Variants in GGNBP2 observed in about 807,000 individuals in gnomAD.
The protein encoded by GGNBP2 is gametogenetin-binding protein 2.
Under a neutral mutation model 85.9 loss-of-function variants are expected in GGNBP2, and 10 were observed. The ratio of observed to expected loss-of-function variants is 0.12; its 90% CI spans 0.07 to 0.20. GGNBP2 has a LOEUF of 0.20. Among genes scored for constraint, GGNBP2 ranks in the 10% least tolerant of loss-of-function variants. The pLI is 1.00. For missense variants in GGNBP2, 595 were observed against 857.8 expected, an observed-to-expected ratio of 0.69 and a Z score of 3.83; for synonymous variants, 287 against 285.7, an observed-to-expected ratio of 1.00 and a Z score of -0.05.
intron 6 of GGNBP2, chr17:36,574,407 CTT>C (rs76600911): frequency 7.5e-4 from 115 of 152,666 alleles, no homozygotes; most frequent in South Asian, 2.2e-3. Context: ...CGACTGTAGT[CTT>C]TTTTTTTTTT....
intron 5 of GGNBP2, among the ~76,000 whole-genome samples, chr17:36,563,806 C>T (rs1164636242): frequency 6.7e-6 from 1 of 149,828 alleles, no homozygotes. Flanking sequence ...TGCAGTGGCG[C>T]GATCTCGGCT....
rs2074734240 is a variant in GGNBP2 at position 36,589,239 on chromosome 17, T to A, written c.1922T>A (p.Ile641Asn). 3.7e-6 allele frequency: 6 copies of A among 1,613,122 alleles called. No individual in the cohort carries two copies. In the South Asian group the frequency reaches 5.5e-5, roughly 15 times the overall value. ...TCTGAATGTACTTCAGATGAGGAAA[T>A]CTTTATCTCACAAGATGAAATACAG... ...DESECTSDEE[I>N]FISQDEIQSF... Residue 641 changes from isoleucine (I) to asparagine (N), a missense_variant, in exon 14 of 14, where the codon ATC becomes AAC. By Grantham distance (149) the Ile-to-Asn change is moderately radical. Around this residue, in one of 9 missense-constraint regions of GGNBP2, gnomAD observed 120 missense variants for 126.3 expected, o/e 0.95. Coordinates refer to ENST00000613102, the MANE Select transcript of GGNBP2 (RefSeq NM_024835.5).
intron 2 of GGNBP2, among the ~76,000 whole-genome samples, chr17:36,550,046 T>C (rs1362131555): frequency 6.6e-6 from 1 of 152,136 alleles, no homozygotes; most frequent in African/African-American, 2.4e-5. Flanking sequence ...CAGGTGATTC[T>C]TGGGCCTCAA....
intron 9 of GGNBP2, 62 bp downstream of exon 9, chr17:36,581,600 C>A: frequency 7.7e-7 from 1 of 1,301,704 alleles, no homozygotes; most frequent in Non-Finnish European, 1.1e-6. Flanking sequence ...GAAGTACAGG[C>A]CAGGTGTGGT....
At chr17:36,546,788 T>C (rs2074259490) in intron 2 of GGNBP2, 2 of 152,240 alleles carry the variant, frequency 1.3e-5, no homozygotes, top group African/African-American at 4.8e-5. Flanking sequence ...CTTCATCTCA[T>C]CAGTATTCTT....
At chr17:36,586,898 C>T in intron 12 of GGNBP2, 99 bp from the exon 13 acceptor site, 1 of 1,199,074 alleles carries the variant, frequency 8.3e-7, no homozygotes, top group Non-Finnish European at 1.1e-6. Flanking sequence ...AGATTGTAGG[C>T]ATGAGCCACC....
chr17:36,575,629 T>G (rs1249802694), intron 6 of GGNBP2, among the ~76,000 whole-genome samples: 1 of 42,926 alleles, frequency 2.3e-5, no homozygotes, highest in Admixed American at 1.9e-4. Flanking sequence ...TATATATATA[T>G]ATATATATAT....
intron 6 of GGNBP2, chr17:36,575,228 C>T (rs908450374): frequency 2.5e-5 from 16 of 637,062 alleles, no homozygotes; most frequent in South Asian, 8.0e-5. Context: ...GCCCCAGCCC[C>T]GGCCCCGGAT....
chr17:36,589,126 G>T (rs1026680877), intron 13 of GGNBP2, 82 bp from the exon 14 acceptor site: 2 of 965,160 alleles, frequency 2.1e-6, no homozygotes, highest in African/African-American at 1.6e-5. Context: ...AGTTAGACTG[G>T]TTTAATTTTT....
At chr17:36,586,466 T>G in intron 12 of GGNBP2, 1 of 447,400 alleles carries the variant, frequency 2.2e-6, no homozygotes, top group Non-Finnish European at 4.0e-6. Flanking sequence ...TCTTAAACAA[T>G]TTGTTTAGTC....
At chr17:36,549,792 A>G (rs1478682742) in intron 2 of GGNBP2, among the ~76,000 whole-genome samples, 2 of 152,166 alleles carry the variant, frequency 1.3e-5, no homozygotes, top group African/African-American at 2.4e-5. Context: ...AGTTTTTGCT[A>G]TGAATAAACT....
At chr17:36,584,051 C>T (rs1423114572) in intron 9 of GGNBP2, among the ~76,000 whole-genome samples, 1 of 152,214 alleles carries the variant, frequency 6.6e-6, no homozygotes, top group Admixed American at 6.5e-5. Context: ...AAGTTCATAG[C>T]ACTGCTGGTT....
chr17:36,560,945 T>G (rs1487106038), intron 5 of GGNBP2, 74 bp downstream of exon 5: 7 of 793,118 alleles, frequency 8.8e-6, no homozygotes, highest in Admixed American at 5.4e-5. Flanking sequence ...GTAAAAGAAA[T>G]AAACCCACTG....
rs528475310 is a variant in GGNBP2, at chr17:36,586,153, TAAAA to T, written c.1598_1601del (p.Lys533ArgfsTer9). ...AAGAGAACGACACAAAAGGAAAAAA[TAAAA>T]AGAAGAAGAAGAAAAGCAAGATACT... is the stretch of plus-strand genomic sequence containing the variant. On this transcript the variant is annotated frameshift_variant, in exon 12 of 14. Transcript: ENST00000613102. LOFTEE classifies it high-confidence loss of function. The T allele has an allele frequency of 1.2e-6, 2 of 1,613,474 alleles. No homozygotes were observed. Among genetic ancestry groups the T allele is most frequent in the Non-Finnish European group, 1.7e-6 (2 of 1,179,850 alleles).
At chr17:36,569,744 A>G (rs1360624134) in intron 6 of GGNBP2, among the ~76,000 whole-genome samples, 2 of 152,224 alleles carry the variant, frequency 1.3e-5, no homozygotes, top group African/African-American at 4.8e-5. Flanking sequence ...CAGGGACTAT[A>G]CAGACACAAA....
intron 8 of GGNBP2, among the ~76,000 whole-genome samples, chr17:36,580,500 C>T (rs561202325): frequency 3.2e-4 from 49 of 151,980 alleles, no homozygotes; most frequent in Middle Eastern, 3.4e-3. Flanking sequence ...GCATGAGCCA[C>T]GGCGCCCAGC....
intron 5 of GGNBP2, among the ~76,000 whole-genome samples, chr17:36,565,905 A>G (rs1367321633): frequency 6.6e-6 from 1 of 152,174 alleles, no homozygotes; most frequent in Non-Finnish European, 1.5e-5. Flanking sequence ...CAAAAAGGAA[A>G]TATCAGAGTT....
At chr17:36,549,195 T>C (rs927936251) in intron 2 of GGNBP2, among the ~76,000 whole-genome samples, 6 of 151,536 alleles carry the variant, frequency 4.0e-5, no homozygotes, top group Admixed American at 6.6e-5. Context: ...TAGAGAAATC[T>C]GAAGAATTAA....
At chr17:36,553,478 G>A (rs1198302652) in intron 2 of GGNBP2, among the ~76,000 whole-genome samples, 1 of 152,138 alleles carries the variant, frequency 6.6e-6, no homozygotes, top group Non-Finnish European at 1.5e-5. Context: ...TGGAAGGAAA[G>A]GAATGGTTAC....
Sources: gnomAD v4.1 joint callset for allele counts (sites outside exome capture counted in the v4.1 genomes callset) on GRCh38, gnomAD v4.1.1 for gene constraint, gnomAD v4.1.1 regional missense constraint, MANE v1.5 for transcripts, NCBI Gene and HGNC (gene_info 2026-07-23, HGNC 2026-07-21) for gene names.